ARHGAP26: variants seen among roughly 807,000 people sequenced by gnomAD.
The protein encoded by ARHGAP26 is Rho GTPase activating protein 26, also known as rho GTPase-activating protein 26.
ARHGAP26 carries 38 observed loss-of-function variants against 104.8 expected under a neutral mutation model. That is an observed-to-expected ratio of 0.36 (90% CI 0.28 to 0.48). The LOEUF is 0.48. Among genes scored for constraint, ARHGAP26 ranks in the 20% least tolerant of loss-of-function variants. ARHGAP26 has a pLI of 0.99. For missense variants in ARHGAP26, 704 were observed against 947.9 expected, an observed-to-expected ratio of 0.74 and a Z score of 3.38; for synonymous variants, 341 against 340.0, an observed-to-expected ratio of 1.00 and a Z score of -0.03.
intron 11 of ARHGAP26, among the ~76,000 whole-genome samples, chr5:142,968,966 A>AT (rs1420736307): frequency 6.6e-6 from 1 of 152,204 alleles, no homozygotes; most frequent in East Asian, 1.9e-4. Context: ...GGGTCTTACT[A>AT]TGTCACCCAG....
chr5:142,841,590 C>T (rs1395669941), intron 1 of ARHGAP26, among the ~76,000 whole-genome samples: 1 of 152,178 alleles, frequency 6.6e-6, no homozygotes, highest in Non-Finnish European at 1.5e-5. Context: ...AGCCTCCGAG[C>T]CCCAGGTCTG....
At chr5:142,952,955 C>T (rs1344187379) in intron 11 of ARHGAP26, among the ~76,000 whole-genome samples, 3 of 152,212 alleles carry the variant, frequency 2.0e-5, no homozygotes, top group East Asian at 3.9e-4. Flanking sequence ...GTGATCCTCC[C>T]ACCTTGGCCT....
intron 14 of ARHGAP26, among the ~76,000 whole-genome samples, chr5:143,042,987 A>G (rs141412357): frequency 3.9e-5 from 6 of 152,226 alleles, no homozygotes; most frequent in Admixed American, 2.0e-4. Flanking sequence ...TAAACTTTTC[A>G]TTTTGAGATA....
At chr5:143,000,675 C>T (rs1283825091) in intron 11 of ARHGAP26, among the ~76,000 whole-genome samples, 2 of 152,200 alleles carry the variant, frequency 1.3e-5, no homozygotes, top group Non-Finnish European at 2.9e-5. Context: ...GGCACATATA[C>T]ACCATGGAAT....
At chr5:143,006,171 A>T (rs765581790) in intron 11 of ARHGAP26, among the ~76,000 whole-genome samples, 8 of 151,910 alleles carry the variant, frequency 5.3e-5, no homozygotes, top group Non-Finnish European at 8.8e-5. Context: ...GTCTGTTTCC[A>T]CTCCCTTGTA....
chr5:142,987,116 C>A (rs1774864054), intron 11 of ARHGAP26, among the ~76,000 whole-genome samples: 1 of 152,192 alleles, frequency 6.6e-6, no homozygotes. Flanking sequence ...ATTGATTCTT[C>A]CTATCCATGA....
At chr5:143,155,555 C>T (rs1191889078) in intron 20 of ARHGAP26, among the ~76,000 whole-genome samples, 3 of 152,174 alleles carry the variant, frequency 2.0e-5, no homozygotes, top group African/African-American at 7.2e-5. Context: ...ACAGACCTCA[C>T]ACTTGGTGAC....
Position 142,905,507 on chromosome 5 carries a change from A to G in ARHGAP26, c.832+1838A>G, listed in dbSNP as rs114025034. ...CATAAACCCTTTACCCAGTGCATCA[A>G]TTTTTAACATTTAGCCACAATGATA... On this transcript the variant is annotated intron_variant, in intron 8 of 22. Coordinates refer to ENST00000645722, the MANE Select transcript of ARHGAP26 (RefSeq NM_001135608.3). Among the ~76,000 whole-genome samples the G allele has an allele frequency of 8.6e-3, 1,304 of 152,280 alleles. 13 individuals are homozygous for G. The highest frequency in any genetic ancestry group is 0.029 in the African/African-American group (1,197 of 41,546).
intron 1 of ARHGAP26, among the ~76,000 whole-genome samples, chr5:142,798,680 G>A (rs1164644645): frequency 6.6e-6 from 1 of 152,196 alleles, no homozygotes; most frequent in Non-Finnish European, 1.5e-5. Context: ...AAGAGTTTCC[G>A]CCCAGGACCT....
chr5:142,931,721 G>A (rs560048256), intron 10 of ARHGAP26, among the ~76,000 whole-genome samples: 14 of 152,210 alleles, frequency 9.2e-5, no homozygotes, highest in Admixed American at 4.6e-4. Context: ...TCTGTTAAGC[G>A]TTTTGAGGTC....
intron 22 of ARHGAP26, among the ~76,000 whole-genome samples, chr5:143,219,176 A>G (rs1271418388): frequency 2.6e-5 from 4 of 152,216 alleles, no homozygotes; most frequent in African/African-American, 9.6e-5. Context: ...GCTGGGTTCA[A>G]ATTTTGGTTC....
intron 11 of ARHGAP26, among the ~76,000 whole-genome samples, chr5:142,988,883 C>T (rs1007593613): frequency 6.6e-6 from 1 of 152,284 alleles, no homozygotes; most frequent in African/African-American, 2.4e-5. Context: ...TGTTCTTTTA[C>T]ATTTGCTGAG....
intron 1 of ARHGAP26, among the ~76,000 whole-genome samples, chr5:142,836,393 A>C (rs2152141007): frequency 6.6e-6 from 1 of 152,368 alleles, no homozygotes; most frequent in East Asian, 1.9e-4. Context: ...TCCCAATGCC[A>C]GAATTCAAGA....
chr5:142,855,211 C>T (rs1184555712), intron 1 of ARHGAP26, among the ~76,000 whole-genome samples: 1 of 152,042 alleles, frequency 6.6e-6, no homozygotes, highest in Non-Finnish European at 1.5e-5. Flanking sequence ...TTTTAAAACC[C>T]CCATTACAGA....
rs774594576 is a variant in ARHGAP26 at position 143,224,978 on chromosome 5, G to A, written c.*2532G>A. 4 of 222,752 alleles carry A rather than the reference G, an allele frequency of 1.8e-5. No individual in the cohort carries two copies. Among genetic ancestry groups the A allele is most frequent in the Non-Finnish European group, 2.7e-5 (3 of 111,554 alleles). 13.8% of individuals were successfully genotyped at this position (222,752 alleles called of 1,614,324 possible). A position where few individuals can be genotyped will look rare whatever the true frequency, so the allele number is the denominator to read the frequency against. On this transcript the variant is annotated 3_prime_UTR_variant, in exon 23 of 23. Transcript: ENST00000645722. ...CATTGAATCAGGGAATGAGAATTAA[G>A]AATGGACAGGACCAAGACAGAACTC...
chr5:142,771,056 G>A, intron 1 of ARHGAP26, 141 bp downstream of exon 1: 1 of 1,389,786 alleles, frequency 7.2e-7, no homozygotes, highest in Non-Finnish European at 9.4e-7. Flanking sequence ...TCCGAGGCAG[G>A]AAGGATACGT....
rs184327767 is a variant in ARHGAP26 at position 143,187,275 on chromosome 5, T to C, written c.1989-19923T>C. On this transcript the variant is annotated intron_variant, in intron 20 of 22. Coordinates refer to ENST00000645722, the MANE Select transcript of ARHGAP26 (RefSeq NM_001135608.3). ...CACTTAACTGTTAATTCAGTATTCT[T>C]AAGAATATTGTTTTCTTTTAGAAAT... 1.2e-3 allele frequency among the ~76,000 whole-genome samples: 182 copies of C among 152,298 alleles called. 1 individual carries two copies. The highest frequency in any genetic ancestry group is 4.3e-3 in the African/African-American group (178 of 41,544).
intron 1 of ARHGAP26, chr5:142,860,499 G>A (rs1048293467): frequency 2.6e-5 from 4 of 152,168 alleles, no homozygotes; most frequent in Admixed American, 1.3e-4. Flanking sequence ...CCTGGTTTCC[G>A]GATTGGTTTC....
intron 1 of ARHGAP26, among the ~76,000 whole-genome samples, chr5:142,870,697 C>T (rs1482176632): frequency 6.6e-6 from 1 of 152,210 alleles, no homozygotes; most frequent in African/African-American, 2.4e-5. Flanking sequence ...TCCTCCCTGC[C>T]TAACCCACGG....
Sources: gnomAD v4.1 joint callset for allele counts (sites outside exome capture counted in the v4.1 genomes callset) on GRCh38, gnomAD v4.1.1 for gene constraint, MANE v1.5 for transcripts, NCBI Gene and HGNC (gene_info 2026-07-23, HGNC 2026-07-21) for gene names.